The following FBXL7 variants were observed in gnomAD, a reference collection of about 807,000 sequenced individuals.
The protein encoded by FBXL7 is F-box and leucine rich repeat protein 7, also known as F-box/LRR-repeat protein 7.
In FBXL7, 12 loss-of-function variants were observed where a neutral mutation model predicts 38.3. The ratio of observed to expected loss-of-function variants is 0.31; its 90% CI spans 0.20 to 0.51. The LOEUF is 0.51. Ranked by LOEUF, FBXL7 falls within the 20% of genes least tolerant of loss-of-function variation. The probability of loss-of-function intolerance (pLI) is 0.98; values close to 1 mark genes in which losing one functional copy is unlikely to be tolerated. For synonymous variants in FBXL7, 297 were observed against 300.9 expected (o/e 0.99, Z 0.13); for missense variants, 567 against 676.4 (o/e 0.84, Z 1.79).
rs1194726259 is a variant in FBXL7, at chr5:15,762,958, C to T, written c.127+146886C>T. On this transcript the variant is annotated intron_variant, in intron 2 of 3. Transcript: ENST00000504595. ...TGAGATGTTTGAAGTTTTTTCCCTT[C>T]TTAAATGGCCCCAAATTGCTCTGAC... 3.3e-5 allele frequency among the ~76,000 whole-genome samples: 5 copies of T among 152,230 alleles called. No homozygotes were observed. The East Asian group carries it at 7.7e-4, about 24-fold the overall frequency.
At chr5:15,556,524 T>G (rs1738244156) in intron 1 of FBXL7, among the ~76,000 whole-genome samples, 1 of 152,150 alleles carries the variant, frequency 6.6e-6, no homozygotes, top group Non-Finnish European at 1.5e-5. Context: ...CGTCCCGTGG[T>G]CCAGTCAAGT....
chr5:15,906,203 TGAG>T (rs1345624748), intron 2 of FBXL7, among the ~76,000 whole-genome samples: 2 of 152,108 alleles, frequency 1.3e-5, no homozygotes, highest in Non-Finnish European at 2.9e-5. Flanking sequence ...AAAATTTTAT[TGAG>T]GAGCTTTACA....
chr5:15,657,806 C>T (rs747639227), intron 2 of FBXL7, among the ~76,000 whole-genome samples: 5 of 151,538 alleles, frequency 3.3e-5, no homozygotes, highest in African/African-American at 9.7e-5. Context: ...GCATTGCACT[C>T]CAGCTTGGGC....
At chr5:15,934,186 G>A (rs566471879) in intron 3 of FBXL7, among the ~76,000 whole-genome samples, 2 of 152,242 alleles carry the variant, frequency 1.3e-5, no homozygotes, top group South Asian at 4.1e-4. Context: ...TGTGTTTTTA[G>A]TAGAGACGGG....
intron 2 of FBXL7, among the ~76,000 whole-genome samples, chr5:15,632,943 C>T (rs1314440890): frequency 1.2e-4 from 19 of 152,172 alleles, no homozygotes; most frequent in Non-Finnish European, 2.5e-4. Context: ...CAAACCTGAA[C>T]ATCACACAAT....
At chr5:15,756,928 G>A (rs1034969644) in intron 2 of FBXL7, among the ~76,000 whole-genome samples, 13 of 152,186 alleles carry the variant, frequency 8.5e-5, no homozygotes, top group Non-Finnish European at 1.5e-5. Context: ...TTGGCAGCCT[G>A]ACTTTTGATT....
At chr5:15,581,608 C>T (rs754735215) in intron 1 of FBXL7, among the ~76,000 whole-genome samples, 1 of 152,216 alleles carries the variant, frequency 6.6e-6, no homozygotes, top group African/African-American at 2.4e-5. Context: ...CTGGAAAGTT[C>T]TCCCAGAATT....
At chr5:15,822,677 C>T (rs1738204639) in intron 2 of FBXL7, among the ~76,000 whole-genome samples, 1 of 147,696 alleles carries the variant, frequency 6.8e-6, no homozygotes, top group Non-Finnish European at 1.5e-5. Flanking sequence ...GTAATATCAG[C>T]CCACCCTTTC....
intron 2 of FBXL7, among the ~76,000 whole-genome samples, chr5:15,925,307 C>A: frequency 6.6e-6 from 1 of 152,212 alleles, no homozygotes; most frequent in South Asian, 2.1e-4. Context: ...AAGAAAACTT[C>A]TTAAAGGAGA....
At chr5:15,649,796 C>G (rs1158934353) in intron 2 of FBXL7, among the ~76,000 whole-genome samples, 1 of 151,984 alleles carries the variant, frequency 6.6e-6, no homozygotes, top group Non-Finnish European at 1.5e-5. Flanking sequence ...TCTCTGTCCC[C>G]TCACTCACTT....
chr5:15,888,921 T>C lies in FBXL7; in HGVS notation c.128-38969T>C, dbSNP rs190909366. 7.6e-4 allele frequency among the ~76,000 whole-genome samples: 115 copies of C among 152,310 alleles called. 2 individuals are homozygous for C. The East Asian group carries it at 0.017, about 22-fold the overall frequency. ...AAAAAAAATCTTCAAAAATCTATTATCTGTGCAGAGAGATTTCTAGCTTAA... is the reference window on the plus strand; with the variant it reads ...AAAAAAAATCTTCAAAAATCTATTACCTGTGCAGAGAGATTTCTAGCTTAA... On this transcript the variant is annotated intron_variant, in intron 2 of 3. Transcript: ENST00000504595.
intron 2 of FBXL7, among the ~76,000 whole-genome samples, chr5:15,646,482 T>G (rs1311947108): frequency 6.6e-6 from 1 of 152,200 alleles, no homozygotes; most frequent in Non-Finnish European, 1.5e-5. Context: ...GAACCAGGCT[T>G]GAAAACTGTC....
chr5:15,562,072 C>G (rs1013929887), intron 1 of FBXL7, among the ~76,000 whole-genome samples: 3 of 151,764 alleles, frequency 2.0e-5, no homozygotes, highest in African/African-American at 7.3e-5. Context: ...TGGATATTAA[C>G]CTGCAAAAGA....
intron 1 of FBXL7, among the ~76,000 whole-genome samples, chr5:15,577,162 T>C (rs1420829716): frequency 6.6e-6 from 1 of 152,208 alleles, no homozygotes; most frequent in Non-Finnish European, 1.5e-5. Flanking sequence ...AAATGACTTC[T>C]GACAGGCGTG....
chr5:15,859,076 A>T (rs1739361217), intron 2 of FBXL7, among the ~76,000 whole-genome samples: 1 of 152,180 alleles, frequency 6.6e-6, no homozygotes, highest in South Asian at 2.1e-4. Context: ...CTAGACAGAG[A>T]TCAAAGAAGC....
At chr5:15,698,705 A>G (rs892736091) in intron 2 of FBXL7, among the ~76,000 whole-genome samples, 2 of 152,194 alleles carry the variant, frequency 1.3e-5, no homozygotes, top group Admixed American at 6.6e-5. Flanking sequence ...GTGATTTACA[A>G]TTAGTATTAT....
intron 1 of FBXL7, among the ~76,000 whole-genome samples, chr5:15,587,948 CT>C (rs552080100): frequency 1.8e-4 from 28 of 151,626 alleles, no homozygotes; most frequent in African/African-American, 5.6e-4. Flanking sequence ...GTTTTTCAAA[CT>C]TTTTTTTTGG....
chr5:15,874,189 T>C (rs1740099305), intron 2 of FBXL7, among the ~76,000 whole-genome samples: 1 of 152,192 alleles, frequency 6.6e-6, no homozygotes, highest in Non-Finnish European at 1.5e-5. Flanking sequence ...TCTCAAAAGA[T>C]GCAGAAAAAG....
intron 2 of FBXL7, among the ~76,000 whole-genome samples, chr5:15,676,207 C>T (rs551823009): frequency 1.3e-5 from 2 of 152,202 alleles, no homozygotes; most frequent in Admixed American, 6.5e-5. Flanking sequence ...TGTAATTATC[C>T]GGGGGGCCCT....
Sources: allele counts gnomAD v4.1 joint callset (sites outside exome capture counted in the v4.1 genomes callset), GRCh38; gene constraint gnomAD v4.1.1; transcripts MANE v1.5; gene names NCBI Gene and HGNC (gene_info 2026-07-23, HGNC 2026-07-21).